Variants in TNNI3K observed in about 807,000 individuals in gnomAD.
The protein encoded by TNNI3K is serine/threonine-protein kinase TNNI3K.
Under a neutral mutation model 114.5 loss-of-function variants are expected in TNNI3K, and 140 were observed. The observed-to-expected ratio is 1.22, with a 90% CI of 1.07 to 1.41. The LOEUF (loss-of-function observed/expected upper bound fraction) is 1.41. Ranked by LOEUF, TNNI3K falls within the 40% of genes most tolerant of loss-of-function variation. The probability of loss-of-function intolerance (pLI) is 0.00; values close to 1 mark genes in which losing one functional copy is unlikely to be tolerated. For synonymous variants in TNNI3K, 347 were observed against 347.5 expected (o/e 1.00, Z 0.02); for missense variants, 1,125 against 1,007.6 (o/e 1.12, Z -1.58).
At chr1:74,429,602 G>A (rs991656960) in intron 17 of TNNI3K, among the ~76,000 whole-genome samples, 4 of 152,132 alleles carry the variant, frequency 2.6e-5, no homozygotes, top group African/African-American at 7.2e-5. Context: ...CCCCAGAAAG[G>A]TCTGTGGCAG....
At chr1:74,395,596 T>C (rs1341651780) in intron 17 of TNNI3K, among the ~76,000 whole-genome samples, 1 of 152,056 alleles carries the variant, frequency 6.6e-6, no homozygotes, top group Non-Finnish European at 1.5e-5. Context: ...AGAGGTTGAG[T>C]GTGTGTGACT....
At chr1:74,445,354 A>G (rs113470510) in intron 20 of TNNI3K, among the ~76,000 whole-genome samples, 3,026 of 129,822 alleles carry the variant, frequency 0.023, 120 homozygotes, top group African/African-American at 0.084. Flanking sequence ...ATATCTCCCA[A>G]TGCTATCCCT....
intron 17 of TNNI3K, among the ~76,000 whole-genome samples, chr1:74,430,512 G>A (rs1372095371): frequency 6.6e-6 from 1 of 152,000 alleles, no homozygotes; most frequent in African/African-American, 2.4e-5. Context: ...AATGTGAACC[G>A]TGTTACTGAG....
chr1:74,312,826 G>A (rs964547170), intron 5 of TNNI3K, among the ~76,000 whole-genome samples: 8 of 152,132 alleles, frequency 5.3e-5, no homozygotes, highest in Non-Finnish European at 1.2e-4. Flanking sequence ...CTTAAAACGG[G>A]AGTTGAGGGT....
intron 23 of TNNI3K, among the ~76,000 whole-genome samples, chr1:74,516,019 C>G (rs1221583718): frequency 1.3e-5 from 2 of 152,110 alleles, no homozygotes; most frequent in African/African-American, 4.8e-5. Flanking sequence ...TCTTTAGGAG[C>G]CTCACTAGAG....
At chr1:74,370,549 A>C (rs1662541421) in intron 17 of TNNI3K, 157 bp downstream of exon 17, 1 of 503,610 alleles carries the variant, frequency 2.0e-6, no homozygotes, top group Non-Finnish European at 3.3e-6. Context: ...AAGTTTTGTC[A>C]TTGTCTTTTA....
intron 23 of TNNI3K, among the ~76,000 whole-genome samples, chr1:74,535,837 C>G (rs1397962903): frequency 1.3e-5 from 2 of 152,162 alleles, no homozygotes; most frequent in Non-Finnish European, 2.9e-5. Flanking sequence ...CACTCGTCAT[C>G]TGGAACAGAT....
Position 74,351,834 on chromosome 1 carries a change from T to C in TNNI3K, c.933-1432T>C, listed in dbSNP as rs181076815. 2.1e-3 allele frequency among the ~76,000 whole-genome samples: 327 copies of C among 152,374 alleles called. 2 individuals carry two copies. The highest frequency in any genetic ancestry group is 0.01 in the Middle Eastern group (3 of 294). Reference sequence around the variant, plus strand: ...CAGCTCCATCAGGTCCTTTAAGGACTTCTCTGCATTGATTATTCTAGTTAT... The same window carrying C: ...CAGCTCCATCAGGTCCTTTAAGGACCTCTCTGCATTGATTATTCTAGTTAT... On this transcript the variant is annotated intron_variant, in intron 9 of 24. Coordinates refer to ENST00000326637, the MANE Select transcript of TNNI3K (RefSeq NM_015978.3).
chr1:74,252,690 T>G (rs1218387839), intron 4 of TNNI3K, among the ~76,000 whole-genome samples: 1 of 152,132 alleles, frequency 6.6e-6, no homozygotes, highest in Non-Finnish European at 1.5e-5. Context: ...GCAGTGAGTG[T>G]TACAGCTCTT....
chr1:74,512,025 T>C (rs1483851226), intron 23 of TNNI3K, among the ~76,000 whole-genome samples: 1 of 152,168 alleles, frequency 6.6e-6, no homozygotes, highest in Non-Finnish European at 1.5e-5. Flanking sequence ...AGGGCAGCTT[T>C]CCTTCATGCA....
At chr1:74,253,439 C>CG (rs1465730961) in intron 4 of TNNI3K, among the ~76,000 whole-genome samples, 10 of 152,044 alleles carry the variant, frequency 6.6e-5, no homozygotes, top group Admixed American at 6.5e-4. Flanking sequence ...GGCAGGGGGT[C>CG]GGGGGGAAGC....
chr1:74,492,986 T>A (rs568051309), intron 23 of TNNI3K, among the ~76,000 whole-genome samples: 1 of 152,268 alleles, frequency 6.6e-6, no homozygotes, highest in South Asian at 2.1e-4. Flanking sequence ...AGCTCTAGTG[T>A]CCCTTTATCT....
chr1:74,526,627 T>G lies in TNNI3K; in HGVS notation c.2352-13607T>G, dbSNP rs1157480143. 1.3e-5 allele frequency among the ~76,000 whole-genome samples: 2 copies of G among 152,222 alleles called. 1 individual carries two copies. The highest frequency in any genetic ancestry group is 4.8e-5 in the African/African-American group (2 of 41,468). On this transcript the variant is annotated intron_variant, in intron 23 of 24. Transcript: ENST00000326637. The stretch of plus-strand genomic sequence containing the variant: ...TGTCTAATATGTGGTAAACACTAAA[T>G]AAATATAAATTGGATATTTTTTTCT...
At chr1:74,440,438 A>C (rs1379709899) in intron 20 of TNNI3K, among the ~76,000 whole-genome samples, 1 of 152,128 alleles carries the variant, frequency 6.6e-6, no homozygotes, top group Admixed American at 6.6e-5. Context: ...ACAATATATA[A>C]GAAGGATAAA....
intron 5 of TNNI3K, among the ~76,000 whole-genome samples, chr1:74,286,667 C>T (rs181081894): frequency 2.6e-5 from 4 of 151,436 alleles, no homozygotes; most frequent in Admixed American, 2.0e-4. Flanking sequence ...GCAGGCCAGC[C>T]TGCCTGAGGA....
chr1:74,420,997 A>G (rs1665367900), intron 17 of TNNI3K, among the ~76,000 whole-genome samples: 1 of 152,156 alleles, frequency 6.6e-6, no homozygotes, highest in African/African-American at 2.4e-5. Flanking sequence ...GCAGCATGAT[A>G]TAAATAACTC....
chr1:74,361,861 G>A (rs979875468), intron 11 of TNNI3K, among the ~76,000 whole-genome samples: 4 of 151,898 alleles, frequency 2.6e-5, no homozygotes, highest in Admixed American at 1.3e-4. Context: ...GAAAAAGGAA[G>A]GATAGCTAAA....
At chr1:74,440,096 C>T (rs1666310398) in intron 20 of TNNI3K, among the ~76,000 whole-genome samples, 1 of 150,150 alleles carries the variant, frequency 6.7e-6, no homozygotes, top group Admixed American at 6.6e-5. Flanking sequence ...GTATTATATG[C>T]ATATATATAT....
intron 9 of TNNI3K, chr1:74,346,188 G>A (rs908172410): frequency 2.6e-5 from 4 of 152,120 alleles, no homozygotes; most frequent in African/African-American, 9.7e-5. Flanking sequence ...AGATCCTCTG[G>A]TTTGTGTGTG....
Sources: allele counts gnomAD v4.1 joint callset (sites outside exome capture counted in the v4.1 genomes callset), GRCh38; gene constraint gnomAD v4.1.1; transcripts MANE v1.5; gene names NCBI Gene and HGNC (gene_info 2026-07-23, HGNC 2026-07-21).